Variants in EGR1 observed in about 807,000 individuals in gnomAD.
The protein encoded by EGR1 is early growth response 1.
A neutral mutation model predicts 30.2 loss-of-function variants in EGR1; 8 were observed. That is an observed-to-expected ratio of 0.26 (90% CI 0.16 to 0.48). The LOEUF (loss-of-function observed/expected upper bound fraction) is 0.48. EGR1 is among the 20% of genes least tolerant of loss of function. The probability of loss-of-function intolerance (pLI) is 0.99; values close to 1 mark genes in which losing one functional copy is unlikely to be tolerated. For missense variants in EGR1, 568 were observed against 732.3 expected (o/e 0.78, Z 2.59); for synonymous variants, 334 against 312.8 (o/e 1.07, Z -0.72).
Position 138,468,002 on chromosome 5 carries a change from T to A in EGR1, c.1553T>A (p.Val518Asp). 1 of 1,613,696 alleles carries A rather than the reference T, an allele frequency of 6.2e-7. No homozygotes were observed. The highest frequency in any genetic ancestry group is 8.5e-7 in the Non-Finnish European group (1 of 1,179,826). Residue 518 changes from valine (V) to aspartate (D), a missense_variant, in exon 2 of 2, where the codon GTC becomes GAC. Transcript: ENST00000239938. The stretch of plus-strand genomic sequence containing the variant: ...GTCAGCAGCTTCCCTTCCTCAGCTG[T>A]CACCAACTCCTTCAGCGCCTCCACA... ...AQVSSFPSSAVTNSFSASTGL... is the reference protein window; with the variant it reads ...AQVSSFPSSADTNSFSASTGL...
At position 138,467,805 on chromosome 5, in the gene EGR1, C is replaced by T; in HGVS notation, c.1356C>T (p.Ser452=). The T allele has an allele frequency of 6.2e-7, 1 of 1,613,016 alleles. No homozygotes were observed. Among genetic ancestry groups the T allele is most frequent in the Non-Finnish European group, 8.5e-7 (1 of 1,179,860 alleles). ...CCCCGGTTGCTACCTCTTACCCGTC[C>T]CCGGTTACTACCTCTTATCCATCCC... ...YPSPVATSYP[S]PVTTSYPSPA... is the part of the protein sequence containing the mutation. The change falls in exon 2 of 2, where the codon TCC becomes TCT. Residue 452 remains serine, a synonymous_variant. Transcript: ENST00000239938. This position sits in a 1 kb window ranked among gnomAD's most constrained non-coding sequence, Gnocchi z 8.3.
chr5:138,468,313 A>G lies in EGR1; in HGVS notation c.*232A>G. On this transcript the variant is annotated 3_prime_UTR_variant, in exon 2 of 2. Coordinates refer to ENST00000239938, the MANE Select transcript of EGR1 (RefSeq NM_001964.3). ...TTGACTTCAGCTGCCTGAAACAGCC[A>G]TGTCCAAGTTCTTCACCTCTATCCA... 1 of 880,388 alleles carries G rather than the reference A, an allele frequency of 1.1e-6. No homozygotes were observed. Among genetic ancestry groups the G allele is most frequent in the Non-Finnish European group, 1.8e-6 (1 of 556,872 alleles). The allele number at this position is 880,388 out of a possible 1,614,324, so 54.5% of individuals were successfully genotyped here.
intron 1 of EGR1, 143 bp downstream of exon 1, chr5:138,466,211 G>C: frequency 7.4e-7 from 1 of 1,349,278 alleles, no homozygotes; most frequent in African/African-American, 1.5e-5. Context: ...TGTGTTAGAG[G>C]GATGCCAAGG....
In EGR1 at chr5:138,466,056, C is replaced by G. The variant is rs1299769797; in HGVS notation, c.295C>G (p.His99Asp). The stretch of plus-strand genomic sequence containing the variant: ...GGACACGGGCGAGCAGCCCTACGAG[C>G]ACCTGACCGCAGGTAAGCAGTGGCC... ...QADTGEQPYE[H>D]LTAESFPDIS... The change falls in exon 1 of 2, where the codon CAC (histidine) becomes GAC (aspartate). Residue 99 changes from histidine (H) to aspartate (D), a missense_variant. By Grantham distance (81) the His-to-Asp change is moderately conservative. Transcript: ENST00000239938. 3.2e-6 allele frequency: 5 copies of G among 1,582,246 alleles called. No homozygotes were observed. The Admixed American group carries it at 5.3e-5, about 17-fold the overall frequency.
chr5:138,466,848 T>C lies in EGR1; in HGVS notation c.399T>C (p.Tyr133=). 6.2e-7 allele frequency: 1 copy of C among 1,614,034 alleles called. No homozygotes were observed. Among genetic ancestry groups the C allele is most frequent in the South Asian group, 1.1e-5 (1 of 91,088 alleles). The change falls in exon 2 of 2, where the codon TAT becomes TAC. Residue 133 remains tyrosine, a synonymous_variant. Transcript: ENST00000239938. ...SQTTRLPPIT[Y]TGRFSLEPAP... ...CCACTCGACTGCCCCCCATCACCTA[T>C]ACTGGCCGCTTTTCCCTGGAGCCTG...
rs955386560 is a variant in EGR1 at position 138,468,430 on chromosome 5, C to T, written c.*349C>T. 1.8e-5 allele frequency: 8 copies of T among 448,844 alleles called. No homozygotes were observed. Among genetic ancestry groups the T allele is most frequent in the African/African-American group, 9.9e-5 (5 of 50,522 alleles). 27.8% of individuals were successfully genotyped at this position (448,844 alleles called of 1,614,324 possible). A position where few individuals can be genotyped will look rare whatever the true frequency, so the allele number is the denominator to read the frequency against. On this transcript the variant is annotated 3_prime_UTR_variant, in exon 2 of 2. Transcript: ENST00000239938. ...CTTGCTCCCTTCAATGCTAGAAAATCGAGTTGGCAAAATGGGGTTTGGGCC... is the reference window on the plus strand; with the variant it reads ...CTTGCTCCCTTCAATGCTAGAAAATTGAGTTGGCAAAATGGGGTTTGGGCC...
chr5:138,466,883 G>A lies in EGR1; in HGVS notation c.434G>A (p.Ser145Asn), dbSNP rs1764164678. The A allele has an allele frequency of 6.2e-7, 1 of 1,613,930 alleles. No homozygotes were observed. Among genetic ancestry groups the A allele is most frequent in the Admixed American group, 1.7e-5 (1 of 59,992 alleles). The change falls in exon 2 of 2, where the codon AGT (serine) becomes AAT (asparagine). Residue 145 changes from serine to asparagine, a missense_variant. By Grantham distance (46) the Ser-to-Asn change is conservative (BLOSUM62 1). Around this residue, in one of 4 missense-constraint regions of EGR1, gnomAD observed 415 missense variants for 445.2 expected, o/e 0.93. Coordinates refer to ENST00000239938, the MANE Select transcript of EGR1 (RefSeq NM_001964.3). ...TTTTCCCTGGAGCCTGCACCCAACA[G>A]TGGCAACACCTTGTGGCCCGAGCCC... is the stretch of plus-strand genomic sequence containing the variant. Reference protein sequence around the residue: ...GRFSLEPAPNSGNTLWPEPLF... With the variant: ...GRFSLEPAPNNGNTLWPEPLF...
intron 1 of EGR1, among the ~76,000 whole-genome samples, chr5:138,466,502 C>T (rs1353654557): frequency 1.3e-5 from 2 of 152,256 alleles, no homozygotes; most frequent in Non-Finnish European, 2.9e-5. Context: ...GAATCCCTCG[C>T]CCGCACAGCC....
Position 138,466,872 on chromosome 5 carries a change from T to C in EGR1, c.423T>C (p.Pro141=), listed in dbSNP as rs1764164294. The C allele has an allele frequency of 5.0e-6, 8 of 1,614,020 alleles. No individual in the cohort carries two copies. Among genetic ancestry groups the C allele is most frequent in the Non-Finnish European group, 6.8e-6 (8 of 1,180,012 alleles). Reference sequence around the variant, plus strand: ...ATACTGGCCGCTTTTCCCTGGAGCCTGCACCCAACAGTGGCAACACCTTGT... The same window carrying C: ...ATACTGGCCGCTTTTCCCTGGAGCCCGCACCCAACAGTGGCAACACCTTGT... ...ITYTGRFSLE[P]APNSGNTLWP... The change falls in exon 2 of 2, where the codon CCT becomes CCC. Residue 141 remains proline, a synonymous_variant. Transcript: ENST00000239938.
rs1312711427 is a variant in EGR1 at position 138,465,827 on chromosome 5, C to G, written c.66C>G (p.Ser22=). The part of the protein sequence containing the change: ...SPLQISDPFG[S]FPHSPTMDNY... ...TGCAGATCTCTGACCCGTTCGGATCCTTTCCTCACTCGCCCACCATGGACA... is the reference window on the plus strand; with the variant it reads ...TGCAGATCTCTGACCCGTTCGGATCGTTTCCTCACTCGCCCACCATGGACA... Residue 22 remains serine (S), a synonymous_variant, in exon 1 of 2, where the codon TCC becomes TCG. Coordinates refer to ENST00000239938, the MANE Select transcript of EGR1 (RefSeq NM_001964.3). 2 of 1,613,976 alleles carry G rather than the reference C, an allele frequency of 1.2e-6. No individual in the cohort carries two copies. The highest frequency in any genetic ancestry group is 1.1e-5 in the South Asian group (1 of 91,084).
intron 1 of EGR1, 88 bp from the exon 2 acceptor site, chr5:138,466,669 G>T: frequency 2.7e-6 from 4 of 1,474,454 alleles, no homozygotes; most frequent in East Asian, 4.6e-5. Flanking sequence ...TAGCCGGCCC[G>T]GTCTCTTGCC....
In EGR1 at chr5:138,468,786, CTT is replaced by C. The variant is rs113788672; in HGVS notation, c.*719_*720del. ...TGTGGCAAAATATGGTTTGGTTTTT[CTT>C]TTTTTTTTTTTTTGAAAGTGTTTTT... On this transcript the variant is annotated 3_prime_UTR_variant, in exon 2 of 2. Coordinates refer to ENST00000239938, the MANE Select transcript of EGR1 (RefSeq NM_001964.3). 9.6e-5 allele frequency: 13 copies of C among 134,938 alleles called. No individual in the cohort carries two copies. The highest frequency in any genetic ancestry group is 1.5e-4 in the Admixed American group (2 of 13,378). The allele number at this position is 134,938 out of a possible 1,614,324, so 8.4% of individuals were successfully genotyped here. A position where few individuals can be genotyped will look rare whatever the true frequency, so the allele number is the denominator to read the frequency against.
chr5:138,465,908 C>T lies in EGR1; in HGVS notation c.147C>T (p.Leu49=). ...MLLSNGAPQF[L]GAAGAPEGSG... Reference sequence around the variant, plus strand: ...TGAGCAACGGGGCTCCCCAGTTCCTCGGCGCCGCCGGGGCCCCAGAGGGCA... The same window carrying T: ...TGAGCAACGGGGCTCCCCAGTTCCTTGGCGCCGCCGGGGCCCCAGAGGGCA... Residue 49 remains leucine (L), a synonymous_variant, in exon 1 of 2, where the codon CTC becomes CTT. Coordinates refer to ENST00000239938, the MANE Select transcript of EGR1 (RefSeq NM_001964.3). 6.2e-7 allele frequency: 1 copy of T among 1,613,806 alleles called. No homozygotes were observed. The highest frequency in any genetic ancestry group is 8.5e-7 in the Non-Finnish European group (1 of 1,179,846).
intron 1 of EGR1, among the ~76,000 whole-genome samples, chr5:138,466,289 A>T (rs1432266298): frequency 6.6e-6 from 1 of 152,162 alleles, no homozygotes; most frequent in East Asian, 1.9e-4. Flanking sequence ...TTTGTTTTGG[A>T]TGGAGAGCTC....
Position 138,467,277 on chromosome 5 carries a change from C to T in EGR1, c.828C>T (p.Gly276=). ...LGTPDQKPFQ[G]LESRTQQPSL... is the part of the protein sequence containing the mutation. ...CCCCAGACCAGAAGCCCTTCCAGGG[C>T]CTGGAGAGCCGCACCCAGCAGCCTT... The change falls in exon 2 of 2, where the codon GGC becomes GGT. Residue 276 remains glycine (G), a synonymous_variant. Coordinates refer to ENST00000239938, the MANE Select transcript of EGR1 (RefSeq NM_001964.3). The surrounding 1 kb of genome is among the most constrained non-coding windows in gnomAD (Gnocchi z 8.3). 4 of 1,614,074 alleles carry T rather than the reference C, an allele frequency of 2.5e-6. No individual in the cohort carries two copies. Among genetic ancestry groups the T allele is most frequent in the Non-Finnish European group, 3.4e-6 (4 of 1,180,034 alleles).
Position 138,465,716 on chromosome 5 carries a change from T to C in EGR1, c.-46T>C. 3 of 1,436,422 alleles carry C rather than the reference T, an allele frequency of 2.1e-6. No homozygotes were observed. 89.0% of individuals were successfully genotyped at this position (1,436,422 alleles called of 1,614,324 possible). On this transcript the variant is annotated 5_prime_UTR_variant, in exon 1 of 2. Coordinates refer to ENST00000239938, the MANE Select transcript of EGR1 (RefSeq NM_001964.3). ...GTCCCCTGCAGCTCCAGCCCCGGGC[T>C]GCACCCCCCCGCCCCGACACCAGCT...
rs780016857 is a variant in EGR1, at chr5:138,465,890, C to T, written c.129C>T (p.Asn43=). 1 of 1,613,936 alleles carries T rather than the reference C, an allele frequency of 6.2e-7. No homozygotes were observed. Among genetic ancestry groups the T allele is most frequent in the Non-Finnish European group, 8.5e-7 (1 of 1,179,856 alleles). The change falls in exon 1 of 2, where the codon AAC becomes AAT. Residue 43 remains asparagine (N), a synonymous_variant. Transcript: ENST00000239938. ...PKLEEMMLLS[N]GAPQFLGAAG... is the part of the protein sequence containing the mutation. ...TGGAGGAGATGATGCTGCTGAGCAA[C>T]GGGGCTCCCCAGTTCCTCGGCGCCG... is the stretch of plus-strand genomic sequence containing the variant.
At position 138,467,760 on chromosome 5, in the gene EGR1, C is replaced by T; in HGVS notation, c.1311C>T (p.Ser437=). The part of the protein sequence containing the change: ...DKSVVASSAT[S]SLSSYPSPVA... ...GTGTTGTGGCCTCTTCGGCCACCTC[C>T]TCTCTCTCTTCCTACCCGTCCCCGG... is the stretch of plus-strand genomic sequence containing the variant. Residue 437 remains serine, a synonymous_variant, in exon 2 of 2, where the codon TCC becomes TCT. Coordinates refer to ENST00000239938, the MANE Select transcript of EGR1 (RefSeq NM_001964.3). The surrounding 1 kb of genome is among the most constrained non-coding windows in gnomAD (Gnocchi z 8.3). 6.2e-7 allele frequency: 1 copy of T among 1,614,056 alleles called. No individual in the cohort carries two copies. Among genetic ancestry groups the T allele is most frequent in the Non-Finnish European group, 8.5e-7 (1 of 1,179,978 alleles).
At position 138,465,594 on chromosome 5, in the gene EGR1, C is replaced by A; in HGVS notation, c.-168C>A. On this transcript the variant is annotated 5_prime_UTR_variant, in exon 1 of 2. Transcript: ENST00000239938. Reference sequence around the variant, plus strand: ...AGCCTCCGCAGCCGCGGCGCGTCCACGCCCGCCCGCGCCCAGGGCGAGTCG... The same window carrying A: ...AGCCTCCGCAGCCGCGGCGCGTCCAAGCCCGCCCGCGCCCAGGGCGAGTCG... The A allele has an allele frequency of 4.6e-6, 3 of 657,048 alleles. No homozygotes were observed. The highest frequency in any genetic ancestry group is 4.4e-6 in the Non-Finnish European group (2 of 455,982). The allele number at this position is 657,048 out of a possible 1,614,324, so 40.7% of individuals were successfully genotyped here.
Sources: allele counts gnomAD v4.1 joint callset (sites outside exome capture counted in the v4.1 genomes callset), GRCh38; gene constraint gnomAD v4.1.1; regional missense constraint gnomAD v4.1.1; non-coding constraint Gnocchi (gnomAD v3.1); transcripts MANE v1.5; gene names NCBI Gene and HGNC (gene_info 2026-07-23, HGNC 2026-07-21).